PCDHGA4: variants seen among roughly 807,000 people sequenced by gnomAD.
The protein encoded by PCDHGA4 is protocadherin gamma-A4.
Under a neutral mutation model 54.6 loss-of-function variants are expected in PCDHGA4, and 38 were observed. That is an observed-to-expected ratio of 0.70 (90% confidence interval 0.54 to 0.91). The LOEUF is 0.91. Ranked by LOEUF, PCDHGA4 falls within the 40% of genes least tolerant of loss-of-function variation. The pLI, the probability that PCDHGA4 is intolerant of heterozygous loss-of-function variation, is 0.00. For missense variants in PCDHGA4, 1,298 were observed against 1,220.9 expected (o/e 1.06, Z -0.94); for synonymous variants, 511 against 512.9 (o/e 1.00, Z 0.05).
chr5:141,491,493 G>A lies in PCDHGA4; in HGVS notation c.2515-3314G>A, dbSNP rs1008591563. On this transcript the variant is annotated intron_variant, in intron 1 of 3. Transcript: ENST00000571252. This position sits in a 1 kb window ranked among gnomAD's most constrained non-coding sequence, Gnocchi z 6.9. ...AGCAGTCCAGCCCCAACCTGCAGGT[G>A]AGCTCGGACGGCACGCTCAAGTACA... 6.2e-7 allele frequency: 1 copy of A among 1,614,000 alleles called. No homozygotes were observed. Among genetic ancestry groups the A allele is most frequent in the African/African-American group, 1.3e-5 (1 of 74,928 alleles).
In PCDHGA4 at chr5:141,476,857, C is replaced by G. The variant is rs201408987; in HGVS notation, c.2515-17950C>G. The G allele has an allele frequency of 3.1e-6, 5 of 1,613,886 alleles. No individual in the cohort carries two copies. Among genetic ancestry groups the G allele is most frequent in the Non-Finnish European group, 4.2e-6 (5 of 1,180,046 alleles). On this transcript the variant is annotated intron_variant, in intron 1 of 3. Coordinates refer to ENST00000571252, the MANE Select transcript of PCDHGA4 (RefSeq NM_018917.4). This position sits in a 1 kb window ranked among gnomAD's most constrained non-coding sequence, Gnocchi z 7.6. Reference sequence around the variant, plus strand: ...ACAATGCGCCTGTCTTCAACCAGTCCTTGTACCGGGCGCGCGTCCTGGAGG... The same window carrying G: ...ACAATGCGCCTGTCTTCAACCAGTCGTTGTACCGGGCGCGCGTCCTGGAGG...
chr5:141,364,241 C>T (rs1408729947), intron 1 of PCDHGA4: 2 of 1,442,340 alleles, frequency 1.4e-6, no homozygotes, highest in Non-Finnish European at 1.8e-6. Flanking sequence ...CGCCCATTTT[C>T]GTCAGGGAAT....
rs1486554010 is a variant in PCDHGA4 at position 141,431,630 on chromosome 5, G to C, written c.2515-63177G>C. Reference sequence around the variant, plus strand: ...GTATGTGGACGACAAGGCGGCCCAAGTTTTCAAACTAGATTGTAATTCAGG... The same window carrying C: ...GTATGTGGACGACAAGGCGGCCCAACTTTTCAAACTAGATTGTAATTCAGG... On this transcript the variant is annotated intron_variant, in intron 1 of 3. Transcript: ENST00000571252. This position sits in a 1 kb window ranked among gnomAD's most constrained non-coding sequence, Gnocchi z 4.8. 6.2e-7 allele frequency: 1 copy of C among 1,614,250 alleles called. No individual in the cohort carries two copies. Among genetic ancestry groups the C allele is most frequent in the East Asian group, 2.2e-5 (1 of 44,882 alleles).
At position 141,512,574 on chromosome 5, in the gene PCDHGA4, C is replaced by T. The variant is rs1429371202; in HGVS notation, c.*1401C>T. 6.5e-6 allele frequency: 1 copy of T among 152,884 alleles called. No homozygotes were observed. Among genetic ancestry groups the T allele is most frequent in the Non-Finnish European group, 1.5e-5 (1 of 68,502 alleles). The allele number at this position is 152,884 out of a possible 1,614,324, so 9.5% of individuals were successfully genotyped here. On this transcript the variant is annotated 3_prime_UTR_variant, in exon 4 of 4. Coordinates refer to ENST00000571252, the MANE Select transcript of PCDHGA4 (RefSeq NM_018917.4). ...GTGCATAGACCTTCTTCTCCCACCCCCTTCTGCCCCTGGGTCCCCGGCCAT... is the reference window on the plus strand; with the variant it reads ...GTGCATAGACCTTCTTCTCCCACCCTCTTCTGCCCCTGGGTCCCCGGCCAT...
chr5:141,511,489 A>G lies in PCDHGA4; in HGVS notation c.*316A>G. 2.3e-6 allele frequency: 1 copy of G among 435,688 alleles called. No individual in the cohort carries two copies. Among genetic ancestry groups the G allele is most frequent in the Non-Finnish European group, 4.2e-6 (1 of 239,908 alleles). The allele number at this position is 435,688 out of a possible 1,614,324, so 27.0% of individuals were successfully genotyped here. ...CGTTTAGTTACAGCTGAACTCCTCC[A>G]TCTTCCAAATCAATCAGGCCCATCC... On this transcript the variant is annotated 3_prime_UTR_variant, in exon 4 of 4. Coordinates refer to ENST00000571252, the MANE Select transcript of PCDHGA4 (RefSeq NM_018917.4).
chr5:141,446,458 G>A (rs2098502933), intron 1 of PCDHGA4, among the ~76,000 whole-genome samples: 1 of 151,662 alleles, frequency 6.6e-6, no homozygotes, highest in African/African-American at 2.4e-5. Flanking sequence ...TATTCAGTGT[G>A]TGATTAGACA....
chr5:141,410,726 A>G, intron 1 of PCDHGA4: 4 of 1,376,038 alleles, frequency 2.9e-6, no homozygotes, highest in Non-Finnish European at 3.9e-6. Context: ...TTTAAAATCC[A>G]TAGCTTTTTA....
At chr5:141,500,789 C>G (rs1006758925) in intron 2 of PCDHGA4, among the ~76,000 whole-genome samples, 2 of 152,142 alleles carry the variant, frequency 1.3e-5, no homozygotes, top group African/African-American at 4.8e-5. Flanking sequence ...TATTATTTTA[C>G]AGAATAAGTC....
In PCDHGA4 at chr5:141,417,886, C is replaced by G. The variant is rs1330007520; in HGVS notation, c.2514+60265C>G. Reference sequence around the variant, plus strand: ...TGGGAGGGAGCTGCGCGCAGAGGCGCCGGGCCGGCCCGCGGCAGGTACTAT... The same window carrying G: ...TGGGAGGGAGCTGCGCGCAGAGGCGGCGGGCCGGCCCGCGGCAGGTACTAT... On this transcript the variant is annotated intron_variant, in intron 1 of 3. Transcript: ENST00000571252. The G allele has an allele frequency of 9.0e-6, 14 of 1,563,624 alleles. No individual in the cohort carries two copies. The African/African-American group carries it at 1.9e-4, about 21-fold the overall frequency.
chr5:141,412,170 A>G (rs1015665615), intron 1 of PCDHGA4: 2 of 152,230 alleles, frequency 1.3e-5, no homozygotes, highest in Non-Finnish European at 1.5e-5. Context: ...GATTATTTAT[A>G]CTGGTATTAA....
At chr5:141,370,553 C>T in intron 1 of PCDHGA4, 1 of 1,613,810 alleles carries the variant, frequency 6.2e-7, no homozygotes, top group African/African-American at 1.3e-5. Flanking sequence ...TCGCCAAGGA[C>T]CTGGGGTTTG....
chr5:141,440,693 C>T (rs2098194597), intron 1 of PCDHGA4: 1 of 152,136 alleles, frequency 6.6e-6, no homozygotes, highest in Non-Finnish European at 1.5e-5. Context: ...GTAAAAGTGA[C>T]CAACAGTGGA....
chr5:141,370,436 G>A, intron 1 of PCDHGA4: 1 of 1,604,136 alleles, frequency 6.2e-7, no homozygotes, highest in Non-Finnish European at 8.5e-7. Context: ...CAGGGCAGAG[G>A]CGAATGCTAT....
chr5:141,506,380 TG>T (rs2099852860), intron 3 of PCDHGA4, among the ~76,000 whole-genome samples: 1 of 141,314 alleles, frequency 7.1e-6, no homozygotes, highest in Non-Finnish European at 1.5e-5. Flanking sequence ...ACCTGGGAGG[TG>T]GCTGTGGTGA....
chr5:141,470,871 T>C (rs1036871133), intron 1 of PCDHGA4, among the ~76,000 whole-genome samples: 1 of 151,822 alleles, frequency 6.6e-6, no homozygotes, highest in Admixed American at 6.6e-5. Flanking sequence ...TGTTTGTTTG[T>C]TTTTTTGTTT....
chr5:141,415,740 GTTTTTTTTTTT>G lies in PCDHGA4; in HGVS notation c.2514+58141_2514+58151del, dbSNP rs57426385. On this transcript the variant is annotated intron_variant, in intron 1 of 3. Transcript: ENST00000571252. ...TGAGTAGAATTTGATGTTTATTAAGGTTTTTTTTTTTTTTTTTTTTTTTTTTTTTTTTACTT... is the reference window on the plus strand; with the variant it reads ...TGAGTAGAATTTGATGTTTATTAAGGTTTTTTTTTTTTTTTTTTTTTACTT... 695 of 624,702 alleles carry G rather than the reference GTTTTTTTTTTT, an allele frequency of 1.1e-3. 1 individual carries two copies. Among genetic ancestry groups the G allele is most frequent in the East Asian group, 1.8e-3 (27 of 14,732 alleles). 38.7% of individuals were successfully genotyped at this position (624,702 alleles called of 1,614,324 possible).
Position 141,476,021 on chromosome 5 carries a change from C to T in PCDHGA4, c.2515-18786C>T. The T allele has an allele frequency of 7.1e-7, 1 of 1,400,498 alleles. No individual in the cohort carries two copies. The highest frequency in any genetic ancestry group is 1.4e-5 in the South Asian group (1 of 71,458). 86.8% of individuals were successfully genotyped at this position (1,400,498 alleles called of 1,614,324 possible). A position where few individuals can be genotyped will look rare whatever the true frequency, so the allele number is the denominator to read the frequency against. ...GGCATCCAGAAAGCCATGTCGGACT[C>T]GGCGCCCAGCGCCCAAGCGCTAACC... On this transcript the variant is annotated intron_variant, in intron 1 of 3. Coordinates refer to ENST00000571252, the MANE Select transcript of PCDHGA4 (RefSeq NM_018917.4). This position sits in a 1 kb window ranked among gnomAD's most constrained non-coding sequence, Gnocchi z 7.6.
chr5:141,485,357 C>T lies in PCDHGA4; in HGVS notation c.2515-9450C>T. ...GCTGGATACGGACAGTCTGTCAGCT[C>T]GCAGGCTGCAGGTCGCTGGAGAGGT... On this transcript the variant is annotated intron_variant, in intron 1 of 3. Transcript: ENST00000571252. The surrounding 1 kb of genome is among the most constrained non-coding windows in gnomAD (Gnocchi z 5.7). 1.2e-6 allele frequency: 2 copies of T among 1,614,084 alleles called. No individual in the cohort carries two copies. The highest frequency in any genetic ancestry group is 1.1e-5 in the South Asian group (1 of 91,070).
At chr5:141,399,001 T>C in intron 1 of PCDHGA4, 1 of 1,613,890 alleles carries the variant, frequency 6.2e-7, no homozygotes, top group Non-Finnish European at 8.5e-7. Context: ...TAGTCTGAAT[T>C]CAAAGAGCGG....
Sources: gnomAD v4.1 joint callset for allele counts (sites outside exome capture counted in the v4.1 genomes callset) on GRCh38, gnomAD v4.1.1 for gene constraint, Gnocchi (gnomAD v3.1) non-coding constraint, MANE v1.5 for transcripts, NCBI Gene and HGNC (gene_info 2026-07-23, HGNC 2026-07-21) for gene names.